The following TACC2 variants were observed in gnomAD, a reference collection of about 807,000 sequenced individuals.
The protein encoded by TACC2 is transforming acidic coiled-coil containing protein 2, also known as transforming acidic coiled-coil-containing protein 2.
Under a neutral mutation model 227.3 loss-of-function variants are expected in TACC2, and 137 were observed. The ratio of observed to expected loss-of-function variants is 0.60; its 90% CI spans 0.52 to 0.69. The LOEUF (loss-of-function observed/expected upper bound fraction) is 0.69, where lower values mean the gene tolerates loss of function less well. TACC2 is among the 30% of genes least tolerant of loss of function. The pLI, the probability that TACC2 is intolerant of heterozygous loss-of-function variation, is 0.00. For synonymous variants in TACC2, 1,523 were observed against 1,487.5 expected, an observed-to-expected ratio of 1.02 and a Z score of -0.55; for missense variants, 3,470 against 3,694.4, an observed-to-expected ratio of 0.94 and a Z score of 1.57.
At chr10:122,129,886 G>A (rs1175550351) in intron 5 of TACC2, among the ~76,000 whole-genome samples, 1 of 152,196 alleles carries the variant, frequency 6.6e-6, no homozygotes, top group Non-Finnish European at 1.5e-5. Context: ...GTGCACACAT[G>A]TGCTAGTCCA....
At chr10:122,206,091 C>T (rs911779) in intron 8 of TACC2, among the ~76,000 whole-genome samples, 54,933 of 136,468 alleles carry the variant, frequency 0.4, 11,077 homozygotes, top group East Asian at 0.54. Context: ...CACTGGGGGG[C>T]GGGGGGAAAG....
intron 9 of TACC2, among the ~76,000 whole-genome samples, chr10:122,212,039 C>T (rs1042952916): frequency 6.6e-6 from 1 of 152,218 alleles, no homozygotes; most frequent in Non-Finnish European, 1.5e-5. Flanking sequence ...GGGGAAAGGT[C>T]CTTAGAGATC....
chr10:122,169,051 C>T (rs2093341901), intron 7 of TACC2, among the ~76,000 whole-genome samples: 1 of 152,200 alleles, frequency 6.6e-6, no homozygotes, highest in Non-Finnish European at 1.5e-5. Flanking sequence ...GACTGGTTGG[C>T]CACAAAGAAC....
intron 5 of TACC2, among the ~76,000 whole-genome samples, chr10:122,120,802 C>T (rs1343551221): frequency 1.3e-5 from 2 of 151,860 alleles, no homozygotes; most frequent in East Asian, 3.9e-4. Flanking sequence ...GCTCTGTCGT[C>T]CAGGCTGGAG....
At chr10:122,213,581 G>A (rs1396194687) in intron 9 of TACC2, among the ~76,000 whole-genome samples, 2 of 152,164 alleles carry the variant, frequency 1.3e-5, no homozygotes, top group Non-Finnish European at 2.9e-5. Flanking sequence ...GAGACTGCTT[G>A]GCTGTGAAAA....
At chr10:122,063,977 C>A (rs1025064743) in intron 3 of TACC2, among the ~76,000 whole-genome samples, 3 of 151,862 alleles carry the variant, frequency 2.0e-5, no homozygotes, top group Non-Finnish European at 4.4e-5. Flanking sequence ...GCCTGGCCAA[C>A]ATGGTGAAAC....
chr10:122,240,689 A>G (rs2095971860), intron 18 of TACC2, among the ~76,000 whole-genome samples: 1 of 152,258 alleles, frequency 6.6e-6, no homozygotes, highest in African/African-American at 2.4e-5. Flanking sequence ...GTTTTCTGTC[A>G]TTAGGGTCCT....
In TACC2 at chr10:122,233,008, C is replaced by T. The variant is rs189275767; in HGVS notation, c.8127+2568C>T. Among the ~76,000 whole-genome samples the T allele has an allele frequency of 1.5e-3, 233 of 152,206 alleles. 1 individual carries two copies. The highest frequency in any genetic ancestry group is 5.2e-3 in the African/African-American group (218 of 41,538). ...TAAGCTAGAGTGGGGAGTGATTTTC[C>T]GGTTGTTCCCTAGAGCAGCTTTGAC... On this transcript the variant is annotated intron_variant, in intron 16 of 22. Coordinates refer to ENST00000369005, the MANE Select transcript of TACC2 (RefSeq NM_206862.4).
At chr10:122,237,876 C>A in intron 17 of TACC2, 85 bp from the exon 18 acceptor site, 1 of 972,868 alleles carries the variant, frequency 1.0e-6, no homozygotes, top group Non-Finnish European at 1.6e-6. Flanking sequence ...ATTTATTCAC[C>A]GTCTCCTTTT....
intron 4 of TACC2, 138 bp downstream of exon 4, chr10:122,088,097 C>A: frequency 1.1e-6 from 1 of 926,064 alleles, no homozygotes. Flanking sequence ...CTAAATGAAC[C>A]TGCTTACCCC....
intron 5 of TACC2, among the ~76,000 whole-genome samples, chr10:122,114,798 G>T (rs1239075429): frequency 6.6e-6 from 1 of 152,186 alleles, no homozygotes; most frequent in Non-Finnish European, 1.5e-5. Context: ...GAAATCTTCA[G>T]GTCAAATGCT....
chr10:122,096,094 C>T (rs760479264), intron 5 of TACC2, among the ~76,000 whole-genome samples: 1 of 152,182 alleles, frequency 6.6e-6, no homozygotes, highest in Non-Finnish European at 1.5e-5. Context: ...GCCCCTTCCT[C>T]CCGCTGGCTG....
intron 7 of TACC2, among the ~76,000 whole-genome samples, chr10:122,161,342 C>T (rs1393513324): frequency 2.0e-5 from 3 of 152,150 alleles, no homozygotes; most frequent in South Asian, 2.1e-4. Context: ...TGGGATTCTA[C>T]GTAAAAGCAC....
chr10:122,203,285 A>G (rs1284485992), intron 8 of TACC2, among the ~76,000 whole-genome samples: 6 of 126,464 alleles, frequency 4.7e-5, no homozygotes, highest in African/African-American at 1.6e-4. Flanking sequence ...GGCCGGGCAG[A>G]GGGGCTCCTC....
At chr10:122,154,588 C>T (rs897956819) in intron 7 of TACC2, among the ~76,000 whole-genome samples, 1 of 152,206 alleles carries the variant, frequency 6.6e-6, no homozygotes. Context: ...AGTCTGTTGT[C>T]ACGGGAAGAT....
chr10:122,203,735 T>A (rs901163778), intron 8 of TACC2, among the ~76,000 whole-genome samples: 6 of 151,254 alleles, frequency 4.0e-5, no homozygotes, highest in Non-Finnish European at 7.4e-5. Context: ...GCAGAGACGC[T>A]CCTCACTTCC....
intron 6 of TACC2, among the ~76,000 whole-genome samples, chr10:122,135,437 G>A (rs1166347521): frequency 6.6e-6 from 1 of 152,224 alleles, no homozygotes; most frequent in Non-Finnish European, 1.5e-5. Context: ...CTTATGGAAA[G>A]ACTCAGAACT....
At chr10:122,039,984 G>GC (rs57902911) in intron 2 of TACC2, among the ~76,000 whole-genome samples, 65,888 of 151,872 alleles carry the variant, frequency 0.43, 14,763 homozygotes, top group Admixed American at 0.53. Flanking sequence ...CCTCAGCCCA[G>GC]CCCCTTGTGG....
intron 3 of TACC2, among the ~76,000 whole-genome samples, chr10:122,060,379 G>A (rs544288860): frequency 3.9e-5 from 6 of 152,302 alleles, no homozygotes; most frequent in East Asian, 1.9e-4. Flanking sequence ...TCTCAAGCTC[G>A]TTTTTATTGC....
Sources: allele counts gnomAD v4.1 joint callset (sites outside exome capture counted in the v4.1 genomes callset), GRCh38; gene constraint gnomAD v4.1.1; transcripts MANE v1.5; gene names NCBI Gene and HGNC (gene_info 2026-07-23, HGNC 2026-07-21).